Variants in ATG5 observed in about 807,000 individuals in gnomAD.
ATG5 encodes the protein autophagy related 5.
A neutral mutation model predicts 36.5 loss-of-function variants in ATG5; 14 were observed. The observed-to-expected ratio is 0.38, with a 90% CI of 0.25 to 0.60. ATG5 has a LOEUF of 0.60. Ranked by LOEUF, ATG5 falls within the 20% of genes least tolerant of loss-of-function variation. The probability of loss-of-function intolerance (pLI) is 0.60; values close to 1 mark genes in which losing one functional copy is unlikely to be tolerated. For missense variants in ATG5, 195 were observed against 326.7 expected, an observed-to-expected ratio of 0.60 and a Z score of 3.11; for synonymous variants, 95 against 101.5, an observed-to-expected ratio of 0.94 and a Z score of 0.38.
chr6:106,314,787 A>C (rs761646243), intron 2 of ATG5, among the ~76,000 whole-genome samples: 1 of 152,198 alleles, frequency 6.6e-6, no homozygotes, highest in Non-Finnish European at 1.5e-5. Flanking sequence ...CCTCTAACAA[A>C]TGAAATTCTT....
intron 4 of ATG5, among the ~76,000 whole-genome samples, chr6:106,285,271 T>A (rs2114613364): frequency 6.6e-6 from 1 of 152,346 alleles, no homozygotes; most frequent in African/African-American, 2.4e-5. Context: ...TTTTTTAAGT[T>A]ACTGAATTTA....
chr6:106,297,765 CAT>C (rs1554223961), intron 3 of ATG5, among the ~76,000 whole-genome samples: 44 of 108,096 alleles, frequency 4.1e-4, no homozygotes, highest in Middle Eastern at 5.3e-3. Context: ...CACACACACA[CAT>C]ATATATTTTA....
At chr6:106,219,134 T>C (rs1777149365) in intron 6 of ATG5, among the ~76,000 whole-genome samples, 1 of 152,212 alleles carries the variant, frequency 6.6e-6, no homozygotes, top group Non-Finnish European at 1.5e-5. Context: ...AACTATGAAA[T>C]AATCTATGTT....
chr6:106,317,494 T>C (rs557574521), intron 1 of ATG5, among the ~76,000 whole-genome samples: 1 of 152,290 alleles, frequency 6.6e-6, no homozygotes, highest in East Asian at 1.9e-4. Flanking sequence ...CTGGATGCAA[T>C]GTCATCTACA....
At chr6:106,304,111 G>C (rs147168449) in intron 3 of ATG5, 1 of 152,106 alleles carries the variant, frequency 6.6e-6, no homozygotes, top group Non-Finnish European at 1.5e-5. Flanking sequence ...ACTAGTGTGT[G>C]AGTTCAGCAA....
chr6:106,195,121 G>A (rs1341682283), intron 7 of ATG5, among the ~76,000 whole-genome samples: 1 of 152,110 alleles, frequency 6.6e-6, no homozygotes, highest in East Asian at 1.9e-4. Context: ...ACAAGCAGCA[G>A]CTCATCATTA....
At chr6:106,204,164 C>A (rs1383192580) in intron 6 of ATG5, among the ~76,000 whole-genome samples, 1 of 152,062 alleles carries the variant, frequency 6.6e-6, no homozygotes, top group Non-Finnish European at 1.5e-5. Context: ...CACCATGGCA[C>A]ATGCATATCT....
At chr6:106,224,910 AAC>A (rs1777394295) in intron 6 of ATG5, among the ~76,000 whole-genome samples, 1 of 152,190 alleles carries the variant, frequency 6.6e-6, no homozygotes, top group Non-Finnish European at 1.5e-5. Flanking sequence ...AACAAAACAA[AAC>A]ACAGAAATAC....
intron 5 of ATG5, among the ~76,000 whole-genome samples, chr6:106,253,966 C>A (rs774304985): frequency 6.6e-6 from 1 of 152,116 alleles, no homozygotes; most frequent in Non-Finnish European, 1.5e-5. Context: ...CTACCAGGCC[C>A]ATTCCACCCC....
intron 5 of ATG5, among the ~76,000 whole-genome samples, chr6:106,250,517 C>A (rs1339723828): frequency 6.6e-6 from 1 of 152,164 alleles, no homozygotes; most frequent in African/African-American, 2.4e-5. Flanking sequence ...ACAGTTGCTG[C>A]CACGAAACTT....
chr6:106,251,640 A>AGGGAGGGG (rs1274810142), intron 5 of ATG5, among the ~76,000 whole-genome samples: 1 of 58,086 alleles, frequency 1.7e-5, no homozygotes, highest in African/African-American at 7.0e-5. Context: ...AATCAGAGAG[A>AGGGAGGGG]GAGAGAGGGA....
At chr6:106,192,749 T>C (rs1448160677) in intron 7 of ATG5, among the ~76,000 whole-genome samples, 1 of 152,180 alleles carries the variant, frequency 6.6e-6, no homozygotes, top group Non-Finnish European at 1.5e-5. Context: ...AAGGTAAAAT[T>C]TCTGAAAAAT....
chr6:106,195,001 T>C (rs566184626), intron 7 of ATG5, among the ~76,000 whole-genome samples: 1 of 152,330 alleles, frequency 6.6e-6, no homozygotes, highest in South Asian at 2.1e-4. Context: ...AAAAACAATT[T>C]ACCTGAGCTC....
chr6:106,238,935 A>T (rs1442698509), intron 6 of ATG5, among the ~76,000 whole-genome samples: 1 of 152,196 alleles, frequency 6.6e-6, no homozygotes, highest in Non-Finnish European at 1.5e-5. Context: ...GAGGGGGGGA[A>T]CCCAATAACT....
At chr6:106,293,184 A>T (rs1213908443) in intron 3 of ATG5, 78 bp from the exon 4 acceptor site, 1 of 1,120,276 alleles carries the variant, frequency 8.9e-7, no homozygotes, top group Non-Finnish European at 1.3e-6. Flanking sequence ...TTTCCAACAC[A>T]TATTTTAACA....
At chr6:106,256,228 C>T (rs1180476753) in intron 5 of ATG5, among the ~76,000 whole-genome samples, 1 of 152,146 alleles carries the variant, frequency 6.6e-6, no homozygotes, top group African/African-American at 2.4e-5. Context: ...GTAGAAAACA[C>T]TATTAATCTG....
chr6:106,201,273 A>ATGTGTGTGTGTGTGTGTG (rs1436145806), intron 7 of ATG5, among the ~76,000 whole-genome samples: 1 of 91,726 alleles, frequency 1.1e-5, no homozygotes, highest in African/African-American at 5.9e-5. Flanking sequence ...ATTCAAGTGT[A>ATGTGTGTGTGTGTGTGTG]TATGTGTGTG....
intron 6 of ATG5, 69 bp downstream of exon 6, chr6:106,248,081 A>AC: frequency 8.2e-7 from 1 of 1,213,516 alleles, no homozygotes; most frequent in Admixed American, 1.7e-5. Flanking sequence ...AGAGTTCTAC[A>AC]CTAGAGTGCT....
chr6:106,266,208 A>G (rs978726702), intron 5 of ATG5, among the ~76,000 whole-genome samples: 1 of 152,248 alleles, frequency 6.6e-6, no homozygotes, highest in African/African-American at 2.4e-5. Context: ...ATCAGAGAAT[A>G]TTATAAACAC....
Sources: allele counts gnomAD v4.1 joint callset (sites outside exome capture counted in the v4.1 genomes callset), GRCh38; gene constraint gnomAD v4.1.1; transcripts MANE v1.5; gene names NCBI Gene and HGNC (gene_info 2026-07-23, HGNC 2026-07-21).